The following ATRNL1 variants were observed in gnomAD, a reference collection of about 807,000 sequenced individuals.
The protein encoded by ATRNL1 is attractin-like protein 1.
In ATRNL1, 95 loss-of-function variants were observed where a neutral mutation model predicts 182.7. The observed-to-expected ratio is 0.52, with a 90% CI of 0.44 to 0.62. ATRNL1 has a LOEUF of 0.62. Among genes scored for constraint, ATRNL1 ranks in the 20% least tolerant of loss-of-function variants. The pLI is 0.00. For missense variants in ATRNL1, 1,471 were observed against 1,679.5 expected (o/e 0.88, Z 2.17); for synonymous variants, 576 against 568.3 (o/e 1.01, Z -0.19).
chr10:115,753,110 T>G (rs77679203), intron 27 of ATRNL1, among the ~76,000 whole-genome samples: 5,175 of 152,168 alleles, frequency 0.034, 125 homozygotes, highest in Middle Eastern at 0.051. Context: ...TGAAATGGGA[T>G]GCACATATGG....
intron 1 of ATRNL1, among the ~76,000 whole-genome samples, chr10:115,100,297 T>TTAAAAAA (rs1309783654): frequency 6.6e-6 from 1 of 151,886 alleles, no homozygotes; most frequent in Non-Finnish European, 1.5e-5. Context: ...GACCATGTCT[T>TTAAAAAA]TAAAAAATAA....
intron 26 of ATRNL1, among the ~76,000 whole-genome samples, chr10:115,573,189 G>A (rs989691809): frequency 6.6e-6 from 1 of 152,130 alleles, no homozygotes; most frequent in Non-Finnish European, 1.5e-5. Context: ...AGTGGTAGAG[G>A]TGGCTCTCAG....
intron 26 of ATRNL1, among the ~76,000 whole-genome samples, chr10:115,707,211 A>C (rs1555053271): frequency 6.6e-6 from 1 of 151,752 alleles, no homozygotes; most frequent in African/African-American, 2.4e-5. Context: ...AAATCATTGC[A>C]CTCTTATCGT....
intron 5 of ATRNL1, among the ~76,000 whole-genome samples, chr10:115,157,746 A>G (rs533041751): frequency 6.6e-6 from 1 of 152,244 alleles, no homozygotes; most frequent in Admixed American, 6.6e-5. Flanking sequence ...ACATCTGTAA[A>G]GTTCCTTTTG....
chr10:115,232,703 GTA>G (rs782276190), intron 9 of ATRNL1, among the ~76,000 whole-genome samples: 43 of 151,862 alleles, frequency 2.8e-4, no homozygotes, highest in Non-Finnish European at 5.4e-4. Flanking sequence ...GTGTGTGTGT[GTA>G]TGTGTGTGTG....
At position 115,187,375 on chromosome 10, in the gene ATRNL1, T is replaced by G. The variant is rs546771086; in HGVS notation, c.1348+16083T>G. 2.6e-5 allele frequency among the ~76,000 whole-genome samples: 4 copies of G among 152,110 alleles called. No individual in the cohort carries two copies. In the East Asian group the frequency reaches 7.7e-4, roughly 29 times the overall value. On this transcript the variant is annotated intron_variant, in intron 8 of 28. Coordinates refer to ENST00000355044, the MANE Select transcript of ATRNL1 (RefSeq NM_207303.4). ...TAGCTTTATTCTTCAAAAATATCCA[T>G]GTTATGGGAGACAGAGAAAGGCTGA...
intron 9 of ATRNL1, among the ~76,000 whole-genome samples, chr10:115,231,991 C>T (rs1382094824): frequency 3.3e-5 from 5 of 152,040 alleles, no homozygotes; most frequent in African/African-American, 4.8e-5. Flanking sequence ...AATGTGCGAA[C>T]GCAGAGTCTT....
intron 27 of ATRNL1, among the ~76,000 whole-genome samples, chr10:115,810,695 G>C (rs1284184122): frequency 5.3e-5 from 8 of 151,822 alleles, no homozygotes; most frequent in Non-Finnish European, 1.0e-4. Flanking sequence ...ATATATGGCT[G>C]TTCAAGTTAT....
chr10:115,364,470 G>C lies in ATRNL1; in HGVS notation c.3175+30051G>C, dbSNP rs1390457510. On this transcript the variant is annotated intron_variant, in intron 19 of 28. Transcript: ENST00000355044. ...TACAATCATATCGTCTGCAAACAGGGACAATTTGACTTCCTCTTTTCCTAA... is the reference window on the plus strand; with the variant it reads ...TACAATCATATCGTCTGCAAACAGGCACAATTTGACTTCCTCTTTTCCTAA... Among the ~76,000 whole-genome samples, 102 of 147,052 alleles carry C rather than the reference G, an allele frequency of 6.9e-4. 1 individual carries two copies. The highest frequency in any genetic ancestry group is 2.5e-3 in the African/African-American group (99 of 39,216).
At chr10:115,821,700 A>C (rs1950302817) in intron 27 of ATRNL1, among the ~76,000 whole-genome samples, 2 of 152,200 alleles carry the variant, frequency 1.3e-5, no homozygotes, top group South Asian at 4.1e-4. Flanking sequence ...GCATTATATG[A>C]TGGTAAAGGG....
In ATRNL1 at chr10:115,204,138, C is replaced by T. The variant is rs549472817; in HGVS notation, c.1349-11559C>T. 7.9e-5 allele frequency among the ~76,000 whole-genome samples: 12 copies of T among 151,770 alleles called. No homozygotes were observed. The East Asian group carries it at 2.1e-3, about 27-fold the overall frequency. The stretch of plus-strand genomic sequence containing the variant: ...TATAAAAATGCTACTGATTTTTGTA[C>T]GTTTATTCATATCCTGCAAGTTTAC... On this transcript the variant is annotated intron_variant, in intron 8 of 28. Transcript: ENST00000355044.
At chr10:115,637,495 A>G (rs1316138745) in intron 26 of ATRNL1, among the ~76,000 whole-genome samples, 2 of 151,954 alleles carry the variant, frequency 1.3e-5, no homozygotes, top group Non-Finnish European at 1.5e-5. Context: ...ATTTTTGTAT[A>G]GCAGTATGTA....
At chr10:115,150,426 A>G (rs1031477538) in intron 5 of ATRNL1, among the ~76,000 whole-genome samples, 5 of 151,758 alleles carry the variant, frequency 3.3e-5, no homozygotes, top group Non-Finnish European at 5.9e-5. Flanking sequence ...GTGCATCATT[A>G]GTTCATTTTA....
chr10:115,175,799 T>A (rs1464948092), intron 8 of ATRNL1, among the ~76,000 whole-genome samples: 1 of 152,128 alleles, frequency 6.6e-6, no homozygotes, highest in Non-Finnish European at 1.5e-5. Flanking sequence ...TGTCATAAAA[T>A]AATCTATAGT....
chr10:115,374,328 A>G (rs76056888), intron 19 of ATRNL1, among the ~76,000 whole-genome samples: 1,990 of 150,988 alleles, frequency 0.013, 39 homozygotes, highest in African/African-American at 0.045. Flanking sequence ...ATTTTTTTCT[A>G]GTTCCTATTT....
intron 26 of ATRNL1, among the ~76,000 whole-genome samples, chr10:115,576,717 A>C (rs1555005323): frequency 6.6e-6 from 1 of 151,942 alleles, no homozygotes; most frequent in South Asian, 2.1e-4. Flanking sequence ...TTATTTTGCT[A>C]TGCGGAAGTA....
In ATRNL1 at chr10:115,093,860, T is replaced by A. The variant is rs2084940137; in HGVS notation, c.110T>A (p.Leu37Gln). Residue 37 changes from leucine to glutamine, a missense_variant, in exon 1 of 29, where the codon CTG (leucine) becomes CAG (glutamine). This residue lies in a region of ATRNL1 where 1,031 missense variants were observed against 1,156.0 expected (regional missense o/e 0.89). Transcript: ENST00000355044. This position sits in a 1 kb window ranked among gnomAD's most constrained non-coding sequence, Gnocchi z 6.1. ...GGGGGASSWL[L>Q]DGNSWLLCYG... is the part of the protein sequence containing the mutation. ...GGCGGGGGCGCCTCCTCCTGGCTGC[T>A]GGACGGGAACAGCTGGCTGCTGTGC... is the stretch of plus-strand genomic sequence containing the variant. 6.4e-7 allele frequency: 1 copy of A among 1,567,980 alleles called. No individual in the cohort carries two copies. Among genetic ancestry groups the A allele is most frequent in the East Asian group, 2.5e-5 (1 of 40,426 alleles).
chr10:115,577,029 A>T (rs1555005442), intron 26 of ATRNL1, among the ~76,000 whole-genome samples: 1 of 151,866 alleles, frequency 6.6e-6, no homozygotes, highest in Non-Finnish European at 1.5e-5. Flanking sequence ...CCTTGTGGAA[A>T]ATAACTTACT....
At position 115,387,894 on chromosome 10, in the gene ATRNL1, A is replaced by G. The variant is rs1592576073; in HGVS notation, c.3176-6765A>G. 2.0e-5 allele frequency among the ~76,000 whole-genome samples: 3 copies of G among 152,252 alleles called. No individual in the cohort carries two copies. The South Asian group carries it at 6.2e-4, about 32-fold the overall frequency. On this transcript the variant is annotated intron_variant, in intron 19 of 28. Coordinates refer to ENST00000355044, the MANE Select transcript of ATRNL1 (RefSeq NM_207303.4). ...TCACTCGTATCACTACTGTAAATCTACTACTTATGTTATGATATATAGTAT... is the reference window on the plus strand; with the variant it reads ...TCACTCGTATCACTACTGTAAATCTGCTACTTATGTTATGATATATAGTAT...
Sources: allele counts gnomAD v4.1 joint callset (sites outside exome capture counted in the v4.1 genomes callset), GRCh38; gene constraint gnomAD v4.1.1; regional missense constraint gnomAD v4.1.1; non-coding constraint Gnocchi (gnomAD v3.1); transcripts MANE v1.5; gene names NCBI Gene and HGNC (gene_info 2026-07-23, HGNC 2026-07-21).